The following RNF13 variants were observed in gnomAD, a reference collection of about 807,000 sequenced individuals.
RNF13 encodes E3 ubiquitin-protein ligase RNF13.
RNF13 carries 19 observed loss-of-function variants against 37.7 expected under a neutral mutation model. The observed-to-expected ratio is 0.50, with a 90% CI of 0.35 to 0.74. RNF13 has a LOEUF of 0.74. Among genes scored for constraint, RNF13 ranks in the 30% least tolerant of loss-of-function variants. The probability of loss-of-function intolerance (pLI) is 0.01; values close to 1 mark genes in which losing one functional copy is unlikely to be tolerated. For synonymous variants in RNF13, 144 were observed against 157.8 expected (o/e 0.91, Z 0.65); for missense variants, 375 against 453.0 (o/e 0.83, Z 1.56).
chr3:149,911,798 AAGATGT>A (rs1386487038), intron 6 of RNF13, among the ~76,000 whole-genome samples, 174 bp from the exon 7 acceptor site: 2 of 152,214 alleles, frequency 1.3e-5, no homozygotes, highest in Non-Finnish European at 2.9e-5. Flanking sequence ...AATAGACTTA[AAGATGT>A]AGAAAGCATT....
Position 149,865,162 on chromosome 3 carries a change from G to T in RNF13, c.196-6867G>T, listed in dbSNP as rs549596262. On this transcript the variant is annotated intron_variant, in intron 3 of 9. Transcript: ENST00000392894. The stretch of plus-strand genomic sequence containing the variant: ...TTTGGAGTATATTTCTCCTTAACCA[G>T]TGTGATCTAAGAAATAAAAAAAAAT... Among the ~76,000 whole-genome samples, 137 of 151,604 alleles carry T rather than the reference G, an allele frequency of 9.0e-4. 2 individuals carry two copies. The highest frequency in any genetic ancestry group is 1.5e-3 in the Non-Finnish European group (102 of 67,892).
At chr3:149,860,268 AAAATATATATATATAT>A (rs1001313701) in intron 3 of RNF13, among the ~76,000 whole-genome samples, 1 of 91,696 alleles carries the variant, frequency 1.1e-5, no homozygotes, top group African/African-American at 4.0e-5. Context: ...AAAAAAAAAA[AAAATATATATATATAT>A]ATATATATAT....
intron 3 of RNF13, among the ~76,000 whole-genome samples, chr3:149,855,582 A>G (rs1723570097): frequency 2.0e-5 from 3 of 151,278 alleles, no homozygotes; most frequent in Admixed American, 6.6e-5. Flanking sequence ...ATATATGTGT[A>G]TATATATACG....
upstream of RNF13, chr3:149,813,003 G>A (rs961550945): frequency 2.0e-5 from 3 of 152,490 alleles, no homozygotes; most frequent in Non-Finnish European, 4.4e-5. Flanking sequence ...GCAGACGCCT[G>A]CCCCACCCTG....
At chr3:149,819,221 A>G (rs1049837274) in intron 1 of RNF13, among the ~76,000 whole-genome samples, 3 of 152,242 alleles carry the variant, frequency 2.0e-5, no homozygotes, top group Admixed American at 6.5e-5. Context: ...ATGAGCTTCC[A>G]TTGAATAAGC....
At chr3:149,944,309 TTA>T (rs2108586773) in intron 8 of RNF13, among the ~76,000 whole-genome samples, 1 of 152,334 alleles carries the variant, frequency 6.6e-6, no homozygotes, top group East Asian at 1.9e-4. Flanking sequence ...GCAGCATTAT[TTA>T]TAATCCTTTA....
chr3:149,931,605 A>G (rs1032309247), intron 8 of RNF13, among the ~76,000 whole-genome samples: 3 of 152,148 alleles, frequency 2.0e-5, no homozygotes, highest in African/African-American at 7.2e-5. Flanking sequence ...GGTACATGTT[A>G]TATTTTGATA....
At chr3:149,856,950 G>A (rs1386823313) in intron 3 of RNF13, among the ~76,000 whole-genome samples, 1 of 152,060 alleles carries the variant, frequency 6.6e-6, no homozygotes, top group Non-Finnish European at 1.5e-5. Flanking sequence ...GGGTTTCACC[G>A]TGTTAGCTAG....
upstream of RNF13, chr3:149,812,835 G>C (rs1719038419): frequency 6.6e-6 from 1 of 152,524 alleles, no homozygotes; most frequent in African/African-American, 2.4e-5. Context: ...GAGCAGATCA[G>C]ACCGACCGGC....
intron 1 of RNF13, among the ~76,000 whole-genome samples, chr3:149,825,194 T>TC (rs1226546199): frequency 2.0e-5 from 3 of 150,970 alleles, no homozygotes; most frequent in Non-Finnish European, 4.4e-5. Context: ...TTTTTTTTTT[T>TC]AAGGCTTAGT....
chr3:149,825,182 CT>C (rs141132064), intron 1 of RNF13, among the ~76,000 whole-genome samples: 162 of 139,956 alleles, frequency 1.2e-3, no homozygotes, highest in Non-Finnish European at 1.3e-3. Context: ...TCCAGCAACC[CT>C]TTTTTTTTTT....
At chr3:149,855,636 AT>A (rs200249471) in intron 3 of RNF13, among the ~76,000 whole-genome samples, 1,831 of 151,082 alleles carry the variant, frequency 0.012, 30 homozygotes, top group African/African-American at 0.041. Flanking sequence ...ATATATATGT[AT>A]TTTTTTTCCC....
intron 4 of RNF13, among the ~76,000 whole-genome samples, chr3:149,879,360 T>G (rs745547396): frequency 1.3e-3 from 198 of 148,638 alleles, no homozygotes; most frequent in Non-Finnish European, 2.4e-3. Context: ...TGGGCTGGAG[T>G]GCAGTGGCAT....
intron 6 of RNF13, 46 bp from the exon 7 acceptor site, chr3:149,911,932 T>C (rs1717035683): frequency 2.0e-6 from 2 of 990,748 alleles, no homozygotes; most frequent in Non-Finnish European, 3.2e-6. Context: ...ACATCAGAAT[T>C]TAACAACTCT....
chr3:149,921,228 G>T lies in RNF13; in HGVS notation c.700+1G>T, dbSNP rs770562252. 7.6e-7 allele frequency: 1 copy of T among 1,323,332 alleles called. No individual in the cohort carries two copies. Among genetic ancestry groups the T allele is most frequent in the South Asian group, 1.9e-5 (1 of 53,762 alleles). 82.0% of individuals were successfully genotyped at this position (1,323,332 alleles called of 1,614,324 possible). A position where few individuals can be genotyped will look rare whatever the true frequency, so the allele number is the denominator to read the frequency against. ...CTTCCTGTACATAAATTCAAGAAAGGTAAGTATTTGTTTTCTAAATAATTA... is the reference window on the plus strand; with the variant it reads ...CTTCCTGTACATAAATTCAAGAAAGTTAAGTATTTGTTTTCTAAATAATTA... On this transcript the variant is annotated splice_donor_variant, in intron 8 of 9. Transcript: ENST00000392894. LOFTEE classifies it high-confidence loss of function.
Position 149,923,113 on chromosome 3 carries a change from CA to C in RNF13, c.700+1894del, listed in dbSNP as rs563683773. ...TAACATTAAAAAATAGAACACTTAA[CA>C]AAAAAAAGTAGGAAAAAGAACATCA... On this transcript the variant is annotated intron_variant, in intron 8 of 9. Coordinates refer to ENST00000392894, the MANE Select transcript of RNF13 (RefSeq NM_183381.3). Among the ~76,000 whole-genome samples, 1,410 of 150,684 alleles carry C rather than the reference CA, an allele frequency of 9.4e-3. 23 individuals carry two copies. The highest frequency in any genetic ancestry group is 0.033 in the African/African-American group (1,356 of 41,078).
At chr3:149,934,937 A>G (rs1347018303) in intron 8 of RNF13, among the ~76,000 whole-genome samples, 1 of 152,198 alleles carries the variant, frequency 6.6e-6, no homozygotes, top group Non-Finnish European at 1.5e-5. Context: ...CCTTTAAAAA[A>G]GAATAAAAAT....
At chr3:149,847,114 T>A (rs897779787) in intron 2 of RNF13, among the ~76,000 whole-genome samples, 1 of 152,150 alleles carries the variant, frequency 6.6e-6, no homozygotes, top group African/African-American at 2.4e-5. Context: ...CAACTTATGA[T>A]GAGATTATGT....
At position 149,911,985 on chromosome 3, in the gene RNF13, C is replaced by T. The variant is rs759324886; in HGVS notation, c.508C>T (p.Leu170Phe). ...DEFTYEKGGH[L>F]ILVPEFSLPL... ...ATTTTTGTTTTCTTCTAGGGGCCAC[C>T]TTATCTTAGTTCCAGAATTTAGTCT... is the stretch of plus-strand genomic sequence containing the variant. Residue 170 changes from leucine (L) to phenylalanine (F), a missense_variant, in exon 7 of 10, where the codon CTT becomes TTT. By Grantham distance (22) the Leu-to-Phe change is conservative (BLOSUM62 0). Transcript: ENST00000392894. The T allele has an allele frequency of 6.4e-7, 1 of 1,554,546 alleles. No individual in the cohort carries two copies. Among genetic ancestry groups the T allele is most frequent in the African/African-American group, 1.4e-5 (1 of 73,446 alleles).
Sources: gnomAD v4.1 joint callset for allele counts (sites outside exome capture counted in the v4.1 genomes callset) on GRCh38, gnomAD v4.1.1 for gene constraint, MANE v1.5 for transcripts, NCBI Gene and HGNC (gene_info 2026-07-23, HGNC 2026-07-21) for gene names.